Variants in MTRR observed in about 807,000 individuals in gnomAD.
MTRR encodes the protein methionine synthase reductase.
Under a neutral mutation model 79.2 loss-of-function variants are expected in MTRR, and 63 were observed. The observed-to-expected ratio is 0.80, with a 90% confidence interval of 0.65 to 0.98. MTRR has a LOEUF of 0.98. Among genes scored for constraint, MTRR ranks in the 50% least tolerant of loss-of-function variants. The probability of loss-of-function intolerance (pLI) is 0.00; values close to 1 mark genes in which losing one functional copy is unlikely to be tolerated. For missense variants in MTRR, 895 were observed against 839.6 expected (o/e 1.07, Z -0.82); for synonymous variants, 355 against 313.3 (o/e 1.13, Z -1.41).
At chr5:7,875,779 T>C (rs1341879052) in intron 4 of MTRR, among the ~76,000 whole-genome samples, 3 of 152,280 alleles carry the variant, frequency 2.0e-5, no homozygotes, top group African/African-American at 7.2e-5. Context: ...ACTTCGCTGT[T>C]AGAGAACACA....
chr5:7,894,398 G>T (rs1383032518), intron 11 of MTRR, among the ~76,000 whole-genome samples: 1 of 152,230 alleles, frequency 6.6e-6, no homozygotes, highest in Non-Finnish European at 1.5e-5. Flanking sequence ...GGAGCACTAA[G>T]CCTGTGGGCG....
chr5:7,871,305 C>T (rs1189847076), intron 2 of MTRR, among the ~76,000 whole-genome samples: 1 of 152,156 alleles, frequency 6.6e-6, no homozygotes, highest in Non-Finnish European at 1.5e-5. Flanking sequence ...CCTTGCCGTG[C>T]GTGTTAGAGT....
chr5:7,878,275 T>A lies in MTRR; in HGVS notation c.733T>A (p.Leu245Ile), dbSNP rs781683793. 1.2e-6 allele frequency: 2 copies of A among 1,614,234 alleles called. No individual in the cohort carries two copies. Among genetic ancestry groups the A allele is most frequent in the Non-Finnish European group, 8.5e-7 (1 of 1,180,026 alleles). The change falls in exon 5 of 15, where the codon TTA becomes ATA. Residue 245 changes from leucine (L) to isoleucine (I), a missense_variant. Transcript: ENST00000440940. ...ACAAGCCTCTCTGAATATTCCTGGTTTACCCCCAGAATATTTACAGGTACA... is the reference window on the plus strand; with the variant it reads ...ACAAGCCTCTCTGAATATTCCTGGTATACCCCCAGAATATTTACAGGTACA... ...LSQASLNIPGLPPEYLQVHLQ... is the reference protein window; with the variant it reads ...LSQASLNIPGIPPEYLQVHLQ...
chr5:7,869,957 A>ACC (rs1157788710), intron 1 of MTRR: 1 of 920,542 alleles, frequency 1.1e-6, no homozygotes, highest in East Asian at 1.2e-4. Flanking sequence ...CGGTTCATTC[A>ACC]CCGAAAGCCA....
rs1739267070 is a variant in MTRR at position 7,900,227 on chromosome 5, T to G, written c.*169T>G. 1.3e-6 allele frequency: 1 copy of G among 774,234 alleles called. No homozygotes were observed. Among genetic ancestry groups the G allele is most frequent in the Admixed American group, 2.9e-5 (1 of 34,574 alleles). The allele number at this position is 774,234 out of a possible 1,614,324, so 48.0% of individuals were successfully genotyped here. ...TAACAATATAACAAAACTTCCTGATTTGATTTTACGTATCTTCTATCTACG... is the reference window on the plus strand; with the variant it reads ...TAACAATATAACAAAACTTCCTGATGTGATTTTACGTATCTTCTATCTACG... On this transcript the variant is annotated 3_prime_UTR_variant, in exon 15 of 15. Coordinates refer to ENST00000440940, the MANE Select transcript of MTRR (RefSeq NM_002454.3).
At chr5:7,855,016 ATAGAAACAAGT>A (rs1746198227) in intron 1 of MTRR, among the ~76,000 whole-genome samples, 1 of 152,236 alleles carries the variant, frequency 6.6e-6, no homozygotes, top group South Asian at 2.1e-4. Flanking sequence ...GCAGATAGAT[ATAGAAACAAGT>A]TAGACAACAC....
Position 7,886,654 on chromosome 5 carries a change from T to C in MTRR, c.1097T>C (p.Leu366Pro). 6.2e-7 allele frequency: 1 copy of C among 1,614,074 alleles called. No individual in the cohort carries two copies. The highest frequency in any genetic ancestry group is 8.5e-7 in the Non-Finnish European group (1 of 1,179,940). ...CAGCATATACCTGCGGGATGTTCTC[T>C]CCAGTTCATTTTTACCTGGTGTCTT... Reference protein sequence around the residue: ...LPQHIPAGCSLQFIFTWCLEI... With the variant: ...LPQHIPAGCSPQFIFTWCLEI... Residue 366 changes from leucine (L) to proline (P), a missense_variant, in exon 8 of 15, where the codon CTC becomes CCC. By Grantham distance (98) the Leu-to-Pro change is moderately conservative. Coordinates refer to ENST00000440940, the MANE Select transcript of MTRR (RefSeq NM_002454.3).
intron 1 of MTRR, among the ~76,000 whole-genome samples, chr5:7,860,088 A>G (rs1746424224): frequency 6.6e-6 from 1 of 152,186 alleles, no homozygotes; most frequent in Non-Finnish European, 1.5e-5. Flanking sequence ...CAGGCCAACC[A>G]TTGGAGGGTC....
intron 5 of MTRR, among the ~76,000 whole-genome samples, chr5:7,880,672 G>A (rs950565449): frequency 9.2e-5 from 14 of 152,152 alleles, no homozygotes; most frequent in African/African-American, 2.7e-4. Flanking sequence ...GGAGGATGGC[G>A]TCAAATTCAG....
At chr5:7,868,301 A>G (rs1406098701), upstream of MTRR, 3 of 492,978 alleles carry the variant, frequency 6.1e-6, no homozygotes, top group African/African-American at 5.9e-5. Context: ...ATTGAACAAT[A>G]ACAATCGCTA....
chr5:7,872,849 T>A (rs1283796211), intron 2 of MTRR, among the ~76,000 whole-genome samples: 2 of 152,190 alleles, frequency 1.3e-5, no homozygotes, highest in Non-Finnish European at 2.9e-5. Context: ...TTTTTTACTT[T>A]CTTATGAAAA....
Position 7,900,485 on chromosome 5 carries a change from T to C in MTRR, c.*427T>C, listed in dbSNP as rs9282787. On this transcript the variant is annotated 3_prime_UTR_variant, in exon 15 of 15. Coordinates refer to ENST00000440940, the MANE Select transcript of MTRR (RefSeq NM_002454.3). ...ATGAAAATGATTTATTTTTATATGA[T>C]GTATACCCATAAAGAATGCTCATAT... 32,403 of 199,780 alleles carry C rather than the reference T, an allele frequency of 0.16. 2,983 individuals are homozygous for C. Among genetic ancestry groups the C allele is most frequent in the Non-Finnish European group, 0.21 (20,533 of 96,404 alleles). The allele number at this position is 199,780 out of a possible 1,614,324, so 12.4% of individuals were successfully genotyped here. A position where few individuals can be genotyped will look rare whatever the true frequency, so the allele number is the denominator to read the frequency against.
rs757551118 is a variant in MTRR, at chr5:7,869,207, G to A, written c.-34G>A. 2.5e-6 allele frequency: 4 copies of A among 1,607,894 alleles called. No individual in the cohort carries two copies. The highest frequency in any genetic ancestry group is 3.4e-6 in the Non-Finnish European group (4 of 1,179,778). ...TTGTGCAGGTTCGTGCCCGGCTGGC[G>A]CGGCGTGGGTAAGCTGCCTGTCGGC... On this transcript the variant is annotated 5_prime_UTR_variant, in exon 1 of 15. Transcript: ENST00000440940.
chr5:7,878,101 A>C lies in MTRR; in HGVS notation c.559A>C (p.Ile187Leu). Residue 187 changes from isoleucine (I) to leucine (L), a missense_variant, in exon 5 of 15, where the codon ATT becomes CTT. Ile to Leu is a conservative substitution (Grantham distance 5). Coordinates refer to ENST00000440940, the MANE Select transcript of MTRR (RefSeq NM_002454.3). ...TDLVKSELLH[I>L]ESQVELLRFD... ...CCTTGTGAAGTCAGAGCTGCTACAC[A>C]TTGAATCTCAAGTCGAGCTTCTGAG... 1 of 1,614,084 alleles carries C rather than the reference A, an allele frequency of 6.2e-7. No individual in the cohort carries two copies. Among genetic ancestry groups the C allele is most frequent in the Non-Finnish European group, 8.5e-7 (1 of 1,180,028 alleles).
chr5:7,887,344 G>A (rs1300763579), intron 8 of MTRR, among the ~76,000 whole-genome samples: 4 of 151,174 alleles, frequency 2.6e-5, no homozygotes, highest in Admixed American at 2.6e-4. Context: ...ACCAGCTCCC[G>A]GAAGTGGCCA....
chr5:7,869,098 C>A, upstream of MTRR: 1 of 1,610,686 alleles, frequency 6.2e-7, no homozygotes, highest in Non-Finnish European at 8.5e-7. Context: ...GGCCCAGGTC[C>A]CCTTCGGAGC....
rs773408264 is a variant in MTRR, at chr5:7,870,784, G to A, written c.-11G>A. 2 of 1,614,018 alleles carry A rather than the reference G, an allele frequency of 1.2e-6. No individual in the cohort carries two copies. The highest frequency in any genetic ancestry group is 2.7e-5 in the African/African-American group (2 of 74,906). On this transcript the variant is annotated 5_prime_UTR_variant, in exon 2 of 15. It removes an upstream start codon present in the reference 5' UTR. Transcript: ENST00000440940. ...CCATTTTTCAGTTTCACTGTTACAT[G>A]CCTTGAAGTGATGAGGAGGTTTCTG...
Position 7,885,765 on chromosome 5 carries a change from A to T in MTRR, c.968A>T (p.Glu323Val). The change falls in exon 7 of 15, where the codon GAG (glutamate) becomes GTG (valine). Residue 323 changes from glutamate (E) to valine (V), a missense_variant. Physicochemically the swap from Glu to Val is moderately radical, Grantham distance 121. Transcript: ENST00000440940. ...FSVICPNSDSEVQSLLQRLQL... is the reference protein window; with the variant it reads ...FSVICPNSDSVVQSLLQRLQL... ...GTGATCTGCCCTAACAGTGATTCTGAGGTACAAAGCCTACTCCAAAGACTG... is the reference window on the plus strand; with the variant it reads ...GTGATCTGCCCTAACAGTGATTCTGTGGTACAAAGCCTACTCCAAAGACTG... 6.2e-7 allele frequency: 1 copy of T among 1,613,524 alleles called. No homozygotes were observed. The highest frequency in any genetic ancestry group is 8.5e-7 in the Non-Finnish European group (1 of 1,179,978).
At chr5:7,887,788 G>C (rs1266954947) in intron 8 of MTRR, among the ~76,000 whole-genome samples, 2 of 84,354 alleles carry the variant, frequency 2.4e-5, no homozygotes, top group African/African-American at 1.2e-4. Flanking sequence ...GTGTGTGTGT[G>C]TGTGCATATA....
Sources: allele counts gnomAD v4.1 joint callset (sites outside exome capture counted in the v4.1 genomes callset), GRCh38; gene constraint gnomAD v4.1.1; transcripts MANE v1.5; gene names NCBI Gene and HGNC (gene_info 2026-07-23, HGNC 2026-07-21).